HS3ST3A1: variants seen among roughly 807,000 people sequenced by gnomAD.
HS3ST3A1 encodes the protein heparan sulfate-glucosamine 3-sulfotransferase 3A1.
HS3ST3A1 carries 19 observed loss-of-function variants against 25.7 expected under a neutral mutation model. The ratio of observed to expected loss-of-function variants is 0.74; its 90% CI spans 0.52 to 1.08. The LOEUF is 1.08. Among genes scored for constraint, HS3ST3A1 ranks in the 50% least tolerant of loss-of-function variants. The pLI is 0.00. For synonymous variants in HS3ST3A1, 226 were observed against 278.6 expected (o/e 0.81, Z 1.88); for missense variants, 459 against 594.3 (o/e 0.77, Z 2.37).
chr17:13,544,668 C>T (rs559916366), intron 1 of HS3ST3A1, among the ~76,000 whole-genome samples: 11 of 152,144 alleles, frequency 7.2e-5, no homozygotes, highest in African/African-American at 1.4e-4. Context: ...AGCCTCTCCC[C>T]GCACCCTGCT....
At chr17:13,523,008 C>T (rs777986930) in intron 1 of HS3ST3A1, among the ~76,000 whole-genome samples, 7 of 151,528 alleles carry the variant, frequency 4.6e-5, no homozygotes, top group East Asian at 3.9e-4. Flanking sequence ...TGAGAAATGC[C>T]GAATACTTAG....
chr17:13,570,280 CGTT>C (rs1305944171), intron 1 of HS3ST3A1, among the ~76,000 whole-genome samples: 1 of 152,158 alleles, frequency 6.6e-6, no homozygotes, highest in Non-Finnish European at 1.5e-5. Flanking sequence ...TCAAATGACT[CGTT>C]GTTTCCTTCT....
chr17:13,514,554 T>A (rs528089076), intron 1 of HS3ST3A1, among the ~76,000 whole-genome samples: 11 of 152,362 alleles, frequency 7.2e-5, no homozygotes, highest in African/African-American at 2.6e-4. Context: ...GATACTGTTC[T>A]ATGCTTGTCC....
chr17:13,506,762 G>A (rs1905688447), intron 1 of HS3ST3A1, among the ~76,000 whole-genome samples: 1 of 152,082 alleles, frequency 6.6e-6, no homozygotes, highest in Non-Finnish European at 1.5e-5. Flanking sequence ...GAAATGAGAT[G>A]TCAAAGTCAG....
At chr17:13,571,805 G>T (rs1907820742) in intron 1 of HS3ST3A1, among the ~76,000 whole-genome samples, 1 of 152,148 alleles carries the variant, frequency 6.6e-6, no homozygotes, top group Admixed American at 6.5e-5. Flanking sequence ...CGTTGCCCAG[G>T]CTGGAGTGCG....
chr17:13,594,369 G>A (rs1908518177), intron 1 of HS3ST3A1, among the ~76,000 whole-genome samples: 1 of 152,106 alleles, frequency 6.6e-6, no homozygotes, highest in East Asian at 1.9e-4. Context: ...CGCCTGTCCT[G>A]TCGGAACTCT....
rs375573742 is a variant in HS3ST3A1, at chr17:13,590,148, G to A, written c.599+10383C>T. Among the ~76,000 whole-genome samples the A allele has an allele frequency of 4.6e-5, 7 of 152,084 alleles. No individual in the cohort carries two copies. The South Asian group carries it at 6.3e-4, about 14-fold the overall frequency. On this transcript the variant is annotated intron_variant, in intron 1 of 1. Coordinates refer to ENST00000284110, the MANE Select transcript of HS3ST3A1 (RefSeq NM_006042.3). ...TGCTAATCTTTAACAAGCAGGCAAC[G>A]GCCATAAAACACAAATTATTTCCAA...
In HS3ST3A1 at chr17:13,507,974, C is replaced by T. The variant is rs140956911; in HGVS notation, c.600-11156G>A. 5.8e-3 allele frequency among the ~76,000 whole-genome samples: 880 copies of T among 152,232 alleles called. 2 individuals carry two copies. Among genetic ancestry groups the T allele is most frequent in the Non-Finnish European group, 9.5e-3 (647 of 68,018 alleles). ...TTGTTATGTGGGACCCCTCTGAAAA[C>T]GTGACTTATAAGGATGGAAAGAAAA... is the stretch of plus-strand genomic sequence containing the variant. On this transcript the variant is annotated intron_variant, in intron 1 of 1. Coordinates refer to ENST00000284110, the MANE Select transcript of HS3ST3A1 (RefSeq NM_006042.3).
intron 1 of HS3ST3A1, among the ~76,000 whole-genome samples, chr17:13,528,409 G>A (rs916422471): frequency 1.3e-5 from 2 of 152,142 alleles, no homozygotes; most frequent in African/African-American, 4.8e-5. Context: ...TCTCACTCTC[G>A]AGCTCATGGA....
chr17:13,522,730 A>C (rs544201373), intron 1 of HS3ST3A1, among the ~76,000 whole-genome samples: 1 of 152,148 alleles, frequency 6.6e-6, no homozygotes, highest in Non-Finnish European at 1.5e-5. Flanking sequence ...GGGCATATGC[A>C]TGAACACATA....
chr17:13,572,833 C>T lies in HS3ST3A1; in HGVS notation c.599+27698G>A, dbSNP rs554457495. 1.6e-4 allele frequency among the ~76,000 whole-genome samples: 24 copies of T among 152,276 alleles called. No individual in the cohort carries two copies. In the South Asian group the frequency reaches 3.7e-3, roughly 24 times the overall value. On this transcript the variant is annotated intron_variant, in intron 1 of 1. Transcript: ENST00000284110. ...CAAAACACAAACTCAAGGAACTAGCCGTCCTGTTAGGGATATGGGAGGCAG... is the reference window on the plus strand; with the variant it reads ...CAAAACACAAACTCAAGGAACTAGCTGTCCTGTTAGGGATATGGGAGGCAG...
chr17:13,562,975 C>G (rs1907586197), intron 1 of HS3ST3A1, among the ~76,000 whole-genome samples: 1 of 151,954 alleles, frequency 6.6e-6, no homozygotes, highest in Non-Finnish European at 1.5e-5. Context: ...GCTGTTTGCT[C>G]ATTTCATTGG....
chr17:13,514,730 G>C (rs867339390), intron 1 of HS3ST3A1, among the ~76,000 whole-genome samples: 31 of 152,268 alleles, frequency 2.0e-4, no homozygotes, highest in Middle Eastern at 3.4e-3. Flanking sequence ...GACGAGGAGA[G>C]GGTAAGACTA....
intron 1 of HS3ST3A1, among the ~76,000 whole-genome samples, chr17:13,588,158 C>T (rs1908325304): frequency 6.6e-6 from 1 of 152,088 alleles, no homozygotes; most frequent in African/African-American, 2.4e-5. Context: ...CACACGTATT[C>T]ATTTACATAT....
intron 1 of HS3ST3A1, among the ~76,000 whole-genome samples, chr17:13,581,872 A>C (rs756689862): frequency 4.9e-4 from 75 of 152,238 alleles, no homozygotes; most frequent in Non-Finnish European, 9.6e-4. Context: ...ATATTTAGAT[A>C]AGAATAAATA....
rs566734951 is a variant in HS3ST3A1, at chr17:13,580,964, T to C, written c.599+19567A>G. Among the ~76,000 whole-genome samples, 21 of 152,266 alleles carry C rather than the reference T, an allele frequency of 1.4e-4. 1 individual carries two copies. Among genetic ancestry groups the C allele is most frequent in the Admixed American group, 3.3e-4 (5 of 15,296 alleles). On this transcript the variant is annotated intron_variant, in intron 1 of 1. Coordinates refer to ENST00000284110, the MANE Select transcript of HS3ST3A1 (RefSeq NM_006042.3). The stretch of plus-strand genomic sequence containing the variant: ...TAGGCGGTTGGGGCATGTACCTGCA[T>C]GTGTGTGCTTGTGTATTCCTGTGAG...
intron 1 of HS3ST3A1, among the ~76,000 whole-genome samples, chr17:13,509,644 A>G (rs1336714692): frequency 6.6e-6 from 1 of 152,108 alleles, no homozygotes; most frequent in African/African-American, 2.4e-5. Context: ...GAGCAAGAAG[A>G]TAGAAGAAAA....
At chr17:13,584,160 A>G (rs1219272066) in intron 1 of HS3ST3A1, among the ~76,000 whole-genome samples, 1 of 152,228 alleles carries the variant, frequency 6.6e-6, no homozygotes, top group Non-Finnish European at 1.5e-5. Flanking sequence ...TAAGGTATTT[A>G]AATTTCTTCA....
Position 13,600,521 on chromosome 17 carries a change from C to G in HS3ST3A1, c.599+10G>C, listed in dbSNP as rs1567634728. The G allele has an allele frequency of 1.9e-6, 3 of 1,586,932 alleles. No individual in the cohort carries two copies. The highest frequency in any genetic ancestry group is 4.5e-5 in the East Asian group (2 of 43,984). ...ATCCTTCAGCCCCAGCCCGGGCCCG[C>G]CCCGCTCACCGGTACCAGGCGAGGC... On this transcript the variant is annotated intron_variant, in intron 1 of 1. Coordinates refer to ENST00000284110, the MANE Select transcript of HS3ST3A1 (RefSeq NM_006042.3).
Sources: allele counts gnomAD v4.1 joint callset (sites outside exome capture counted in the v4.1 genomes callset), GRCh38; gene constraint gnomAD v4.1.1; transcripts MANE v1.5; gene names NCBI Gene and HGNC (gene_info 2026-07-23, HGNC 2026-07-21).